Variants in MYCBP2 observed in about 807,000 individuals in gnomAD.
MYCBP2 encodes E3 ubiquitin-protein ligase MYCBP2.
MYCBP2 carries 120 observed loss-of-function variants against 525.3 expected under a neutral mutation model. The ratio of observed to expected loss-of-function variants is 0.23; its 90% CI spans 0.20 to 0.27. The LOEUF is 0.27. MYCBP2 is among the 10% of genes least tolerant of loss of function. MYCBP2 has a pLI of 1.00. For missense variants in MYCBP2, 4,149 were observed against 5,657.1 expected (o/e 0.73, Z 8.55); for synonymous variants, 1,894 against 1,955.8 (o/e 0.97, Z 0.83).
At chr13:77,189,947 C>A (rs2061136471) in intron 29 of MYCBP2, among the ~76,000 whole-genome samples, 1 of 152,004 alleles carries the variant, frequency 6.6e-6, no homozygotes, top group South Asian at 2.1e-4. Context: ...TCTTTTACAA[C>A]ATTTGAAATT....
chr13:77,292,912 G>A (rs1258576246), intron 2 of MYCBP2, among the ~76,000 whole-genome samples: 3 of 134,230 alleles, frequency 2.2e-5, no homozygotes, highest in African/African-American at 8.5e-5. Flanking sequence ...AGCTGAGATC[G>A]CACACCACTG....
rs1186453568 is a variant in MYCBP2, at chr13:77,263,131, T to C, written c.1570+520A>G. Among the ~76,000 whole-genome samples, 6 of 152,118 alleles carry C rather than the reference T, an allele frequency of 3.9e-5. No individual in the cohort carries two copies. In the East Asian group the frequency reaches 7.7e-4, roughly 20 times the overall value. On this transcript the variant is annotated intron_variant, in intron 10 of 82. Transcript: ENST00000544440. ...AAGAAATACTCTGTGGTTATCTGTA[T>C]TTCTCTATCCAAGTGAAAGATTACT...
rs771441418 is a variant in MYCBP2 at position 77,150,886 on chromosome 13, T to C, written c.6979A>G (p.Lys2327Glu). ...GGACTGCCAGGAATCCTTTGAGGTT[T>C]CTTTGCTTGATCTTGTTGTAAAGAC... ...KMSLQQDQAK[K>E]PQRIPGSPAV... is the part of the protein sequence containing the mutation. The change falls in exon 47 of 83, where the codon AAA becomes GAA. Residue 2327 changes from lysine (K) to glutamate (E), a missense_variant. By Grantham distance (56) the Lys-to-Glu change is moderately conservative. This residue lies in a region of MYCBP2 where 692 missense variants were observed against 852.7 expected (regional missense o/e 0.81). Coordinates refer to ENST00000544440, the MANE Select transcript of MYCBP2 (RefSeq NM_015057.5). 2 of 1,614,128 alleles carry C rather than the reference T, an allele frequency of 1.2e-6. No homozygotes were observed. Among genetic ancestry groups the C allele is most frequent in the Non-Finnish European group, 1.7e-6 (2 of 1,180,010 alleles).
At position 77,327,054 on chromosome 13, in the gene MYCBP2, A is replaced by C. The variant is rs1204138593; in HGVS notation, c.-279T>G. On this transcript the variant is annotated 5_prime_UTR_variant, in exon 1 of 83. Coordinates refer to ENST00000544440, the MANE Select transcript of MYCBP2 (RefSeq NM_015057.5). ...CGCCACTGCCGCCGCCACCACCGCTACCACCGCCACCACCGCCGGGGCTAC... is the reference window on the plus strand; with the variant it reads ...CGCCACTGCCGCCGCCACCACCGCTCCCACCGCCACCACCGCCGGGGCTAC... 6.9e-6 allele frequency: 3 copies of C among 435,878 alleles called. No homozygotes were observed. Among genetic ancestry groups the C allele is most frequent in the East Asian group, 7.1e-5 (2 of 28,228 alleles). 27.0% of individuals were successfully genotyped at this position (435,878 alleles called of 1,614,324 possible). A position where few individuals can be genotyped will look rare whatever the true frequency, so the allele number is the denominator to read the frequency against.
In MYCBP2 at chr13:77,322,869, G is replaced by A. The variant is rs145332191; in HGVS notation, c.302+3605C>T. 5.1e-3 allele frequency among the ~76,000 whole-genome samples: 783 copies of A among 152,210 alleles called. 2 individuals are homozygous for A. The highest frequency in any genetic ancestry group is 0.022 in the East Asian group (116 of 5,190). ...ACCCCTTTCCCCAACAGAATGTTCC[G>A]ATTTTGATTGGCCTCATTCATCCAA... On this transcript the variant is annotated intron_variant, in intron 1 of 82. Coordinates refer to ENST00000544440, the MANE Select transcript of MYCBP2 (RefSeq NM_015057.5).
chr13:77,054,769 T>G (rs931495647), intron 80 of MYCBP2, among the ~76,000 whole-genome samples: 1 of 152,034 alleles, frequency 6.6e-6, no homozygotes, highest in Non-Finnish European at 1.5e-5. Flanking sequence ...CCTGTCTAAT[T>G]TTTGTATTTC....
At chr13:77,284,333 A>G (rs1288285765) in intron 3 of MYCBP2, among the ~76,000 whole-genome samples, 1 of 152,184 alleles carries the variant, frequency 6.6e-6, no homozygotes, top group Non-Finnish European at 1.5e-5. Flanking sequence ...AAAGAAAAGG[A>G]GCAAACTAGG....
At chr13:77,198,013 G>T (rs1039835192) in intron 26 of MYCBP2, among the ~76,000 whole-genome samples, 1 of 151,858 alleles carries the variant, frequency 6.6e-6, no homozygotes, top group Admixed American at 6.6e-5. Flanking sequence ...TCACTATTCC[G>T]AAAAGAAAAA....
At chr13:77,050,876 C>T (rs376038131) in intron 82 of MYCBP2, 121 bp downstream of exon 82, 2 of 838,904 alleles carry the variant, frequency 2.4e-6, no homozygotes, top group East Asian at 2.8e-5. Context: ...GGAATTCCTC[C>T]TGCTTCTTTA....
intron 21 of MYCBP2, among the ~76,000 whole-genome samples, chr13:77,216,143 C>T (rs13343225): frequency 0.022 from 3,299 of 152,234 alleles, 120 homozygotes; most frequent in African/African-American, 0.076. Flanking sequence ...CACAAGAATA[C>T]AGGAGCCAAC....
At chr13:77,298,011 A>T in intron 1 of MYCBP2, among the ~76,000 whole-genome samples, 1 of 152,218 alleles carries the variant, frequency 6.6e-6, no homozygotes, top group East Asian at 1.9e-4. Context: ...ATAATTCCCC[A>T]GCTTAAAAAT....
At chr13:77,122,455 A>G (rs1290995826) in intron 54 of MYCBP2, among the ~76,000 whole-genome samples, 1 of 152,126 alleles carries the variant, frequency 6.6e-6, no homozygotes, top group East Asian at 1.9e-4. Flanking sequence ...TAATCCCAGC[A>G]CTTTGGGAGG....
chr13:77,157,876 T>C, intron 45 of MYCBP2, 61 bp downstream of exon 45: 1 of 1,410,850 alleles, frequency 7.1e-7, no homozygotes, highest in Non-Finnish European at 9.7e-7. Context: ...GACTCCCCTC[T>C]TTCAGAAATG....
At chr13:77,168,690 AGTGGT>A in intron 39 of MYCBP2, 44 bp from the exon 40 acceptor site, 1 of 1,565,514 alleles carries the variant, frequency 6.4e-7, no homozygotes, top group Non-Finnish European at 8.8e-7. Context: ...TACACGTGAA[AGTGGT>A]TCTAAAATTA....
chr13:77,113,062 A>C (rs2049105265), intron 55 of MYCBP2, among the ~76,000 whole-genome samples: 1 of 152,182 alleles, frequency 6.6e-6, no homozygotes, highest in Non-Finnish European at 1.5e-5. Flanking sequence ...AGTGCTTAGT[A>C]CACTGCCTGA....
intron 61 of MYCBP2, 81 bp from the exon 62 acceptor site, chr13:77,087,714 A>C (rs1045786721): frequency 2.5e-5 from 30 of 1,183,834 alleles, no homozygotes; most frequent in Admixed American, 7.1e-5. Context: ...ACCTCCATGG[A>C]TTAAGACTTC....
intron 18 of MYCBP2, among the ~76,000 whole-genome samples, chr13:77,229,550 CAAAT>C (rs1454762223): frequency 1.3e-5 from 2 of 152,020 alleles, no homozygotes; most frequent in African/African-American, 2.4e-5. Context: ...AAAGAGAAAA[CAAAT>C]AATTCAATTC....
At chr13:77,075,645 A>G (rs1022563631) in intron 68 of MYCBP2, 3 of 152,146 alleles carry the variant, frequency 2.0e-5, no homozygotes, top group African/African-American at 7.2e-5. Flanking sequence ...TTGCTTTTAT[A>G]CTATATAGTA....
intron 45 of MYCBP2, 30 bp downstream of exon 45, chr13:77,157,907 A>T (rs1396849351): frequency 6.4e-7 from 1 of 1,565,862 alleles, no homozygotes; most frequent in Non-Finnish European, 8.7e-7. Context: ...AAAGCCCTAA[A>T]ATAAAGTAAG....
Sources: allele counts gnomAD v4.1 joint callset (sites outside exome capture counted in the v4.1 genomes callset), GRCh38; gene constraint gnomAD v4.1.1; regional missense constraint gnomAD v4.1.1; transcripts MANE v1.5; gene names NCBI Gene and HGNC (gene_info 2026-07-23, HGNC 2026-07-21).